The following MAP2 variants were observed in gnomAD, a reference collection of about 807,000 sequenced individuals.
MAP2 encodes the protein microtubule-associated protein 2.
Under a neutral mutation model 137.6 loss-of-function variants are expected in MAP2, and 14 were observed. The ratio of observed to expected loss-of-function variants is 0.10; its 90% CI spans 0.07 to 0.16. The LOEUF is 0.16. Among genes scored for constraint, MAP2 ranks in the 10% least tolerant of loss-of-function variants. The pLI is 1.00. For synonymous variants in MAP2, 786 were observed against 782.3 expected (o/e 1.00, Z -0.08); for missense variants, 2,088 against 2,191.5 (o/e 0.95, Z 0.94).
At chr2:209,670,493 T>C (rs1397248962) in intron 5 of MAP2, among the ~76,000 whole-genome samples, 2 of 151,948 alleles carry the variant, frequency 1.3e-5, no homozygotes, top group Non-Finnish European at 2.9e-5. Context: ...GACTCCATAA[T>C]GTAGTGTTTT....
chr2:209,637,856 CT>C (rs1559459307), intron 4 of MAP2, among the ~76,000 whole-genome samples: 1 of 151,874 alleles, frequency 6.6e-6, no homozygotes, highest in African/African-American at 2.4e-5. Context: ...TTAACTTAAT[CT>C]TTTTTGTGTT....
At chr2:209,508,871 A>G (rs181611881) in intron 2 of MAP2, among the ~76,000 whole-genome samples, 4 of 152,026 alleles carry the variant, frequency 2.6e-5, no homozygotes, top group African/African-American at 7.2e-5. Context: ...TGCATATGCT[A>G]TGGAGATTTG....
chr2:209,606,716 A>G lies in MAP2; in HGVS notation c.-106-18337A>G, dbSNP rs1199768135. 2.0e-5 allele frequency among the ~76,000 whole-genome samples: 3 copies of G among 152,200 alleles called. No individual in the cohort carries two copies. In the East Asian group the frequency reaches 5.8e-4, roughly 29 times the overall value. ...TTTGAATGTAATAAATAATTATCAC[A>G]TTTGATAGTTGAGATCATGTTTATG... On this transcript the variant is annotated intron_variant, in intron 3 of 15. Coordinates refer to ENST00000682079, the MANE Select transcript of MAP2 (RefSeq NM_001375505.1).
intron 1 of MAP2, among the ~76,000 whole-genome samples, chr2:209,501,561 T>G (rs531573398): frequency 1.3e-5 from 2 of 152,218 alleles, no homozygotes; most frequent in South Asian, 4.1e-4. Context: ...GGAGAATTGG[T>G]GCTTTTAGTA....
intron 1 of MAP2, among the ~76,000 whole-genome samples, chr2:209,457,518 T>C (rs1377355790): frequency 1.3e-5 from 2 of 152,226 alleles, no homozygotes; most frequent in African/African-American, 4.8e-5. Context: ...TGCTTTGGTA[T>C]AGTAGAAAGA....
intron 1 of MAP2, among the ~76,000 whole-genome samples, chr2:209,482,825 A>C (rs755561831): frequency 3.2e-4 from 48 of 152,226 alleles, no homozygotes; most frequent in Non-Finnish European, 4.9e-4. Flanking sequence ...TATTTGTAGT[A>C]AATAAATCTG....
intron 5 of MAP2, among the ~76,000 whole-genome samples, chr2:209,667,874 T>G (rs2047033571): frequency 6.6e-6 from 1 of 152,000 alleles, no homozygotes; most frequent in African/African-American, 2.4e-5. Flanking sequence ...AGCACTTTTC[T>G]ATCTGCTTCC....
intron 14 of MAP2, among the ~76,000 whole-genome samples, chr2:209,728,871 G>A (rs2075093188): frequency 6.6e-6 from 1 of 152,166 alleles, no homozygotes; most frequent in African/African-American, 2.4e-5. Context: ...CCAGAAGAAC[G>A]CATGTGCTCA....
At chr2:209,649,204 T>TG (rs35558337) in intron 4 of MAP2, among the ~76,000 whole-genome samples, 27,526 of 151,736 alleles carry the variant, frequency 0.18, 3,517 homozygotes, top group African/African-American at 0.36. Flanking sequence ...TTTGTAGAGA[T>TG]GGGGGTCTCA....
intron 1 of MAP2, among the ~76,000 whole-genome samples, chr2:209,444,435 G>A (rs1182061289): frequency 1.3e-5 from 2 of 151,472 alleles, no homozygotes; most frequent in African/African-American, 2.4e-5. Context: ...TGACAAGTAC[G>A]TGAGACTGTC....
At chr2:209,593,662 T>A (rs1236888499) in intron 3 of MAP2, among the ~76,000 whole-genome samples, 6 of 82,348 alleles carry the variant, frequency 7.3e-5, no homozygotes, top group Admixed American at 1.9e-4. Context: ...TATATATATA[T>A]ATATATATAT....
intron 1 of MAP2, among the ~76,000 whole-genome samples, chr2:209,468,009 G>T (rs1168956865): frequency 6.6e-6 from 1 of 152,080 alleles, no homozygotes; most frequent in Admixed American, 6.6e-5. Context: ...TTATGACAGG[G>T]ATCACATTTT....
At chr2:209,579,499 A>T (rs1451932583) in intron 2 of MAP2, 1 of 152,176 alleles carries the variant, frequency 6.6e-6, no homozygotes, top group Non-Finnish European at 1.5e-5. Flanking sequence ...GCTTGTCATC[A>T]TTCTCGAAAA....
chr2:209,561,524 A>G (rs2072087397), intron 2 of MAP2, among the ~76,000 whole-genome samples: 1 of 152,184 alleles, frequency 6.6e-6, no homozygotes, highest in African/African-American at 2.4e-5. Flanking sequence ...CTGCTCACCT[A>G]TAAAATGGAG....
At chr2:209,699,342 T>G (rs2061131067) in intron 10 of MAP2, among the ~76,000 whole-genome samples, 1 of 148,664 alleles carries the variant, frequency 6.7e-6, no homozygotes, top group Non-Finnish European at 1.5e-5. Flanking sequence ...CTTATAAGGA[T>G]ACATTTTTTT....
intron 13 of MAP2, among the ~76,000 whole-genome samples, chr2:209,712,860 T>C (rs1559642003): frequency 2.0e-5 from 3 of 152,146 alleles, no homozygotes; most frequent in Admixed American, 6.5e-5. Flanking sequence ...TGATCGAGCA[T>C]CTATACATGC....
chr2:209,624,903 C>A (rs2091995266), intron 3 of MAP2, 150 bp from the exon 4 acceptor site: 1 of 152,124 alleles, frequency 6.6e-6, no homozygotes, highest in Non-Finnish European at 1.5e-5. Context: ...CAGTGTATGA[C>A]CACTATAAAG....
At chr2:209,634,661 T>G (rs973342830) in intron 4 of MAP2, among the ~76,000 whole-genome samples, 2 of 152,126 alleles carry the variant, frequency 1.3e-5, no homozygotes, top group Non-Finnish European at 2.9e-5. Flanking sequence ...CAAAAAAGAT[T>G]TTGGTAAATG....
At chr2:209,533,269 C>T (rs1205370377) in intron 2 of MAP2, among the ~76,000 whole-genome samples, 2 of 152,054 alleles carry the variant, frequency 1.3e-5, no homozygotes, top group Non-Finnish European at 2.9e-5. Flanking sequence ...CTGAGCCTCC[C>T]AAGTAGCTGG....
Sources: allele counts gnomAD v4.1 joint callset (sites outside exome capture counted in the v4.1 genomes callset), GRCh38; gene constraint gnomAD v4.1.1; transcripts MANE v1.5; gene names NCBI Gene and HGNC (gene_info 2026-07-23, HGNC 2026-07-21).